MPST: variants seen among roughly 807,000 people sequenced by gnomAD.
The protein encoded by MPST is 3-mercaptopyruvate sulfurtransferase.
A neutral mutation model predicts 28.5 loss-of-function variants in MPST; 27 were observed. That is an observed-to-expected ratio of 0.95 (90% confidence interval 0.70 to 1.31). The LOEUF is 1.31. Among genes scored for constraint, MPST ranks in the 50% most tolerant of loss-of-function variants. The pLI is 0.00. For synonymous variants in MPST, 204 were observed against 209.3 expected (o/e 0.97, Z 0.22); for missense variants, 492 against 471.1 (o/e 1.04, Z -0.41).
chr22:37,020,568 G>T (rs1156328975), intron 1 of MPST, among the ~76,000 whole-genome samples: 1 of 152,172 alleles, frequency 6.6e-6, no homozygotes, highest in African/African-American at 2.4e-5. Context: ...GCTCGCCATG[G>T]GCTCTTGCAA....
intron 1 of MPST, 161 bp from the exon 2 acceptor site, chr22:37,024,031 C>T (rs1011422204): frequency 2.6e-5 from 33 of 1,292,018 alleles, no homozygotes; most frequent in African/African-American, 7.8e-5. Context: ...GGCTACCCAC[C>T]TTTGTGCCCG....
At chr22:37,023,640 T>G (rs887115933) in intron 1 of MPST, 1 of 391,334 alleles carries the variant, frequency 2.6e-6, no homozygotes, top group African/African-American at 2.2e-5. Context: ...TTAAGATCAC[T>G]CATTCAACAC....
chr22:37,022,571 C>G (rs561252573), intron 1 of MPST, among the ~76,000 whole-genome samples: 20 of 152,318 alleles, frequency 1.3e-4, no homozygotes, highest in African/African-American at 4.6e-4. Flanking sequence ...AGGGGAAGTC[C>G]AGCCTGAGGG....
chr22:37,024,446 C>G lies in MPST; in HGVS notation c.291C>G (p.Pro97=). The G allele has an allele frequency of 1.9e-6, 3 of 1,547,718 alleles. No homozygotes were observed. The highest frequency in any genetic ancestry group is 2.4e-5 in the East Asian group (1 of 41,546). Residue 97 remains proline, a synonymous_variant, in exon 2 of 3, where the codon CCC becomes CCG. Transcript: ENST00000429360. ...CCTCGCCCTACGACCACATGCTGCCCGGGGCCGAGCATTTCGCGGAGTACG... is the reference window on the plus strand; with the variant it reads ...CCTCGCCCTACGACCACATGCTGCCGGGGGCCGAGCATTTCGCGGAGTACG... ...DRTSPYDHML[P]GAEHFAEYAG...
intron 2 of MPST, chr22:37,025,168 T>C: frequency 1.5e-6 from 2 of 1,316,634 alleles, no homozygotes; most frequent in East Asian, 4.5e-5. Flanking sequence ...TCGGTGACTT[T>C]GTCTGTTAAG....
chr22:37,025,239 T>C (rs1428860008), intron 2 of MPST: 1 of 1,095,756 alleles, frequency 9.1e-7, no homozygotes, highest in Admixed American at 3.6e-5. Context: ...CCCTAGCTCA[T>C]TGGGAACCCT....
chr22:37,024,376 T>C lies in MPST; in HGVS notation c.221T>C (p.Ile74Thr), dbSNP rs1354682182. The change falls in exon 2 of 3, where the codon ATC (isoleucine) becomes ACC (threonine). Residue 74 changes from isoleucine (I) to threonine (T), a missense_variant. Physicochemically the swap from Ile to Thr is moderately conservative, Grantham distance 89. Transcript: ENST00000429360. The part of the protein sequence containing the change: ...DARREFEERH[I>T]PGAAFFDIDQ... ...CGACGCGAGTTCGAGGAGCGCCACA[T>C]CCCGGGCGCCGCTTTCTTCGACATC... The C allele has an allele frequency of 1.3e-6, 2 of 1,545,116 alleles. No homozygotes were observed. Among genetic ancestry groups the C allele is most frequent in the Non-Finnish European group, 8.7e-7 (1 of 1,145,792 alleles).
At chr22:37,020,026 T>A in intron 1 of MPST, 154 bp downstream of exon 1, 1 of 323,940 alleles carries the variant, frequency 3.1e-6, no homozygotes, top group Non-Finnish European at 5.4e-6. Flanking sequence ...TAAGGGTGAC[T>A]GTCCGCTTGG....
At chr22:37,024,109 C>T (rs1923280936) in intron 1 of MPST, 83 bp from the exon 2 acceptor site, 3 of 1,311,004 alleles carry the variant, frequency 2.3e-6, no homozygotes, top group Non-Finnish European at 2.0e-6. Context: ...CCCCCGCCGG[C>T]CCTCGCCCAT....
In MPST at chr22:37,019,898, C is replaced by A. The variant is rs933811161; in HGVS notation, c.36+26C>A. On this transcript the variant is annotated intron_variant, in intron 1 of 2. Transcript: ENST00000429360. ...GTAACTGCCGCGGCGTGGCGGCTTG[C>A]CTTTCTGGAGGGGGAGGGAGTGGCT... The A allele has an allele frequency of 2.2e-5, 26 of 1,184,170 alleles. No homozygotes were observed. The African/African-American group carries it at 3.6e-4, about 17-fold the overall frequency. The allele number at this position is 1,184,170 out of a possible 1,614,324, so 73.4% of individuals were successfully genotyped here.
chr22:37,022,680 C>G (rs1029998085), intron 1 of MPST, among the ~76,000 whole-genome samples: 1 of 152,222 alleles, frequency 6.6e-6, no homozygotes, highest in African/African-American at 2.4e-5. Flanking sequence ...AAGCAGGCGT[C>G]CTAATACCCG....
chr22:37,028,562 T>A (rs1923677939), intron 2 of MPST: 1 of 149,270 alleles, frequency 6.7e-6, no homozygotes. Context: ...AAAAGGAAAT[T>A]AGCTGAGCAT....
chr22:37,029,283 G>A lies in MPST; in HGVS notation c.723G>A (p.Gly241=), dbSNP rs755231792. The A allele has an allele frequency of 2.5e-6, 4 of 1,614,072 alleles. No homozygotes were observed. In the African/African-American group the frequency reaches 4.0e-5, roughly 16 times the overall value. ...IPFTDFLSQE[G]LEKSPEEIRH... is the part of the protein sequence containing the mutation. The stretch of plus-strand genomic sequence containing the variant: ...TCACAGACTTCCTGAGCCAGGAGGG[G>A]CTGGAGAAGAGCCCTGAGGAGATCC... Residue 241 remains glycine, a synonymous_variant, in exon 3 of 3, where the codon GGG becomes GGA. Transcript: ENST00000429360.
intron 1 of MPST, chr22:37,023,971 G>A (rs1601457366): frequency 6.7e-7 from 1 of 1,487,662 alleles, no homozygotes; most frequent in Non-Finnish European, 8.9e-7. Flanking sequence ...CATGGTCATT[G>A]GGTCACTCGG....
intron 2 of MPST, chr22:37,028,619 G>A (rs1333998892): frequency 1.3e-5 from 2 of 152,790 alleles, no homozygotes; most frequent in Admixed American, 1.3e-4. Context: ...GGGAAGCTGA[G>A]GCAGGAGGAT....
At position 37,024,826 on chromosome 22, in the gene MPST, G is replaced by A; in HGVS notation, c.655+16G>A. The A allele has an allele frequency of 6.2e-7, 1 of 1,603,838 alleles. No individual in the cohort carries two copies. The highest frequency in any genetic ancestry group is 8.5e-7 in the Non-Finnish European group (1 of 1,178,916). ...CCCCGAGACGGTAACGCGGGGGAAG[G>A]GGGCAGGAGGTCGTCGGGGGCGCGG... is the stretch of plus-strand genomic sequence containing the variant. On this transcript the variant is annotated intron_variant, in intron 2 of 2. Coordinates refer to ENST00000429360, the MANE Select transcript of MPST (RefSeq NM_021126.8).
In MPST at chr22:37,024,811, G is replaced by T. The variant is rs752107976; in HGVS notation, c.655+1G>T. The T allele has an allele frequency of 2.1e-5, 34 of 1,603,910 alleles. No individual in the cohort carries two copies. The highest frequency in any genetic ancestry group is 5.0e-5 in the Admixed American group (3 of 59,902). On this transcript the variant is annotated splice_donor_variant, in intron 2 of 2. Coordinates refer to ENST00000429360, the MANE Select transcript of MPST (RefSeq NM_021126.8). LOFTEE classifies it high-confidence loss of function. The stretch of plus-strand genomic sequence containing the variant: ...GGCACCGAGCCCGAGCCCCGAGACG[G>T]TAACGCGGGGGAAGGGGGCAGGAGG...
chr22:37,028,005 G>A (rs144024344), intron 2 of MPST: 55 of 152,336 alleles, frequency 3.6e-4, no homozygotes, highest in African/African-American at 1.3e-3. Flanking sequence ...TTACAAAAGA[G>A]AGGATAATAA....
intron 1 of MPST, chr22:37,023,716 A>G (rs1028480546): frequency 3.7e-6 from 4 of 1,089,496 alleles, no homozygotes; most frequent in Admixed American, 9.8e-5. Context: ...GGTACCCAGC[A>G]AGGACTCAGT....
Sources: allele counts gnomAD v4.1 joint callset (sites outside exome capture counted in the v4.1 genomes callset), GRCh38; gene constraint gnomAD v4.1.1; transcripts MANE v1.5; gene names NCBI Gene and HGNC (gene_info 2026-07-23, HGNC 2026-07-21).